LRTM3: variants seen among roughly 807,000 people sequenced by gnomAD.
LRTM3 encodes the protein leucine-rich repeat transmembrane protein 3.
the LRTM3 span, chr13:102,749,453 T>A: frequency 1.9e-6 from 3 of 1,551,338 alleles, no homozygotes; most frequent in South Asian, 1.2e-5. Context: ...AAAAATAGTG[T>A]CTTGCCCCTT....
the LRTM3 span, chr13:102,747,909 G>A: frequency 1.3e-6 from 2 of 1,551,250 alleles, 1 homozygote; most frequent in South Asian, 2.4e-5. Context: ...TTTTGCTTTA[G>A]ATGTATGCTG....
At chr13:102,743,573 T>A in the LRTM3 span, 1 of 1,549,932 alleles carries the variant, frequency 6.5e-7, no homozygotes, top group Non-Finnish European at 8.7e-7. Flanking sequence ...TGTGTTTATC[T>A]GGTTTTTAGA....
chr13:102,738,021 C>A, the LRTM3 span: 5 of 1,550,544 alleles, frequency 3.2e-6, no homozygotes, highest in Non-Finnish European at 4.4e-6. Flanking sequence ...TCTCTATCAA[C>A]CTTTTCTTGT....
chr13:102,749,536 C>T, the LRTM3 span: 20 of 1,551,324 alleles, frequency 1.3e-5, no homozygotes, highest in Non-Finnish European at 1.7e-5. Flanking sequence ...GTTCATCAGA[C>T]TCCAGGCCCT....
chr13:102,734,461 T>G, the LRTM3 span: 10 of 1,551,372 alleles, frequency 6.4e-6, no homozygotes, highest in South Asian at 1.2e-4. Flanking sequence ...GACCTTCATG[T>G]TCCTTTCGTC....
At chr13:102,733,502 G>A in the LRTM3 span, 6 of 1,551,154 alleles carry the variant, frequency 3.9e-6, 1 homozygote, top group East Asian at 2.4e-5. Context: ...CCTTATCAGT[G>A]AAACTGAAGC....
chr13:102,743,541 T>C, the LRTM3 span: 1 of 1,548,816 alleles, frequency 6.5e-7, no homozygotes. Context: ...TTCAATATAA[T>C]TTTCCTTTCT....
the LRTM3 span, chr13:102,729,708 T>C: frequency 1.3e-6 from 2 of 1,552,094 alleles, no homozygotes; most frequent in Non-Finnish European, 1.7e-6. Flanking sequence ...TGATGAGGTT[T>C]TGATGCTGAT....
At chr13:102,738,985 A>G in the LRTM3 span, 33 of 1,550,350 alleles carry the variant, frequency 2.1e-5, no homozygotes, top group South Asian at 4.8e-5. Flanking sequence ...TGCTTAAACT[A>G]TCATCAATTG....
chr13:102,730,153 T>A, the LRTM3 span: 6 of 1,550,022 alleles, frequency 3.9e-6, no homozygotes, highest in African/African-American at 2.7e-5. Context: ...AGGTTTCCTT[T>A]CTGCACTCTC....
chr13:102,735,009 G>A, the LRTM3 span: 7 of 1,551,150 alleles, frequency 4.5e-6, no homozygotes, highest in Admixed American at 2.0e-5. Context: ...GGAAAAGAGG[G>A]TCTTGTTAAT....
the LRTM3 span, chr13:102,732,891 C>T: frequency 1.3e-6 from 2 of 1,551,344 alleles, no homozygotes; most frequent in Non-Finnish European, 8.7e-7. Context: ...TGATGTTTTT[C>T]CTCCAGATCC....
chr13:102,737,986 A>T, the LRTM3 span: 9 of 1,550,474 alleles, frequency 5.8e-6, no homozygotes, highest in Non-Finnish European at 7.8e-6. Context: ...CAACTTCGTG[A>T]TCCATTTTCC....
the LRTM3 span, chr13:102,758,865 G>A: frequency 6.5e-7 from 1 of 1,550,044 alleles, no homozygotes; most frequent in Non-Finnish European, 8.7e-7. Flanking sequence ...GTCCCATAAT[G>A]TCATGAATGT....
At chr13:102,733,414 A>G in the LRTM3 span, 3 of 1,551,326 alleles carry the variant, frequency 1.9e-6, no homozygotes, top group Non-Finnish European at 2.6e-6. Flanking sequence ...CTTGCTGGTG[A>G]GCGTATCTCT....
At chr13:102,747,231 T>C in the LRTM3 span, 2 of 1,550,550 alleles carry the variant, frequency 1.3e-6, no homozygotes, top group Non-Finnish European at 1.7e-6. Flanking sequence ...GCATTTAATC[T>C]GCTATACATT....
At chr13:102,737,565 T>G in the LRTM3 span, 1 of 1,550,858 alleles carries the variant, frequency 6.4e-7, no homozygotes, top group East Asian at 2.4e-5. Flanking sequence ...CCATCCCTTT[T>G]CCCTGGCTCT....
At chr13:102,757,553 C>T in the LRTM3 span, among the ~76,000 whole-genome samples, 1 of 152,216 alleles carries the variant, frequency 6.6e-6, no homozygotes, top group Non-Finnish European at 1.5e-5. Context: ...ATTCCAGCAA[C>T]TCTGAAATAA....
chr13:102,741,858 T>C, the LRTM3 span: 2 of 1,550,430 alleles, frequency 1.3e-6, no homozygotes, highest in South Asian at 1.2e-5. Flanking sequence ...TCGAAACTAC[T>C]GTAATTGATT....
Sources: gnomAD v4.1 joint callset for allele counts (sites outside exome capture counted in the v4.1 genomes callset) on GRCh38, gnomAD v4.1.1 for gene constraint, MANE v1.5 for transcripts, NCBI Gene and HGNC (gene_info 2026-07-23, HGNC 2026-07-21) for gene names.